PVT1: variants seen among roughly 807,000 people sequenced by gnomAD.
PVT1 encodes CXCR4/PVT1 fusion.
intron 3 of PVT1, among the ~76,000 whole-genome samples, chr8:127,916,662 GTCC>G (rs1815989248): frequency 6.6e-6 from 1 of 152,162 alleles, no homozygotes; most frequent in Admixed American, 6.5e-5. Context: ...GCTCAGCTTT[GTCC>G]TCCTCTCATC....
intron 5 of PVT1, among the ~76,000 whole-genome samples, chr8:128,075,831 C>T (rs2130142713): frequency 6.6e-6 from 1 of 152,300 alleles, no homozygotes; most frequent in African/African-American, 2.4e-5. Flanking sequence ...GGACCAAATA[C>T]ACAAATTATT....
intron 5 of PVT1, among the ~76,000 whole-genome samples, chr8:128,094,910 G>A (rs564655181): frequency 2.0e-5 from 3 of 152,318 alleles, no homozygotes; most frequent in Admixed American, 2.0e-4. Context: ...TGGACAGGCA[G>A]AGTTTAAATC....
chr8:127,851,336 A>G (rs1434181093), intron 2 of PVT1, among the ~76,000 whole-genome samples: 2 of 152,158 alleles, frequency 1.3e-5, no homozygotes, highest in Non-Finnish European at 1.5e-5. Context: ...TGGTAAGAAC[A>G]AGGGCCATGG....
chr8:128,058,159 A>G (rs1813783738), intron 4 of PVT1, among the ~76,000 whole-genome samples: 1 of 152,216 alleles, frequency 6.6e-6, no homozygotes, highest in East Asian at 1.9e-4. Context: ...TCTTCAGTGC[A>G]TAACCCAGTT....
intron 3 of PVT1, among the ~76,000 whole-genome samples, chr8:127,982,684 TAAATG>T (rs1563656689): frequency 2.0e-4 from 28 of 137,444 alleles, no homozygotes; most frequent in African/African-American, 7.7e-4. Flanking sequence ...ATTAATAAAA[TAAATG>T]AATCAATTAA....
chr8:127,893,715 G>A (rs1166471758), intron 3 of PVT1, among the ~76,000 whole-genome samples: 1 of 152,166 alleles, frequency 6.6e-6, no homozygotes, highest in Non-Finnish European at 1.5e-5. Flanking sequence ...GTGACCTTGG[G>A]CAAACTACCT....
chr8:127,807,756 T>C (rs1814543494), intron 2 of PVT1, among the ~76,000 whole-genome samples: 1 of 152,190 alleles, frequency 6.6e-6, no homozygotes, highest in Non-Finnish European at 1.5e-5. Flanking sequence ...CTAGGTTCTT[T>C]GAATTTTTCT....
chr8:128,088,778 C>T (rs1814310714), intron 5 of PVT1, among the ~76,000 whole-genome samples: 2 of 152,190 alleles, frequency 1.3e-5, no homozygotes, highest in Non-Finnish European at 2.9e-5. Flanking sequence ...TCAAGAAAAA[C>T]TCGTTCTTTC....
At chr8:127,797,472 T>G (rs1487032605) in intron 2 of PVT1, among the ~76,000 whole-genome samples, 2 of 152,130 alleles carry the variant, frequency 1.3e-5, no homozygotes, top group African/African-American at 4.8e-5. Flanking sequence ...CTGGAATCAT[T>G]TGGACCATTG....
intron 2 of PVT1, chr8:127,855,466 C>A: frequency 2.7e-6 from 1 of 363,838 alleles, no homozygotes. Context: ...TCCAGCTTCA[C>A]CCTCCTTTAG....
chr8:127,951,873 T>C (rs973002336), intron 3 of PVT1, among the ~76,000 whole-genome samples: 15 of 151,142 alleles, frequency 9.9e-5, no homozygotes, highest in Admixed American at 7.9e-4. Context: ...TGGAGTGCAG[T>C]GGCATGATCT....
At chr8:127,850,451 T>C (rs183537791) in intron 2 of PVT1, among the ~76,000 whole-genome samples, 2 of 152,326 alleles carry the variant, frequency 1.3e-5, no homozygotes, top group Admixed American at 1.3e-4. Context: ...CTGGTTCAGG[T>C]ATCCTAAAGA....
At position 127,953,115 on chromosome 8, in the gene PVT1, C is replaced by T. The variant is rs186554095; in HGVS notation, n.783-36047C>T. Reference sequence around the variant, plus strand: ...CTCCAGTAGGCAGAAGCTTCTCTGTCCTTCCTCAATGGGAGAACAAGGACC... The same window carrying T: ...CTCCAGTAGGCAGAAGCTTCTCTGTTCTTCCTCAATGGGAGAACAAGGACC... On this transcript the variant is annotated intron_variant and non_coding_transcript_variant, in intron 3 of 10. Transcript: ENST00000651587. 3.1e-3 allele frequency among the ~76,000 whole-genome samples: 470 copies of T among 152,342 alleles called. 5 individuals are homozygous for T. Among genetic ancestry groups the T allele is most frequent in the Middle Eastern group, 0.027 (8 of 294 alleles).
chr8:128,095,861 T>C (rs1814421685), intron 5 of PVT1, among the ~76,000 whole-genome samples: 2 of 152,244 alleles, frequency 1.3e-5, no homozygotes, highest in South Asian at 4.2e-4. Flanking sequence ...ATGGAGACTT[T>C]TCTTTTCCAC....
chr8:127,859,721 T>C (rs750699101), intron 2 of PVT1, among the ~76,000 whole-genome samples: 5 of 152,042 alleles, frequency 3.3e-5, no homozygotes, highest in Non-Finnish European at 5.9e-5. Flanking sequence ...ATTTGGGCTT[T>C]AGAGTCACCT....
rs118126616 is a variant in PVT1, at chr8:127,985,526, G to T, written n.783-3636G>T. 2.6e-3 allele frequency among the ~76,000 whole-genome samples: 397 copies of T among 152,006 alleles called. 10 individuals are homozygous for T. The East Asian group carries it at 0.063, about 24-fold the overall frequency. On this transcript the variant is annotated intron_variant and non_coding_transcript_variant, in intron 3 of 10. Transcript: ENST00000651587. ...GTTGACACAGCAACTAACTGGTGGG[G>T]ATCAGCTCAGAGCTGGGCAGACTAT...
At chr8:128,063,687 A>T (rs1303704620) in intron 4 of PVT1, among the ~76,000 whole-genome samples, 1 of 152,060 alleles carries the variant, frequency 6.6e-6, no homozygotes, top group East Asian at 1.9e-4. Context: ...AGTAGAAAGG[A>T]GCCTGGTGGT....
intron 4 of PVT1, among the ~76,000 whole-genome samples, chr8:128,060,322 C>G (rs1437127693): frequency 6.6e-6 from 1 of 152,134 alleles, no homozygotes; most frequent in Non-Finnish European, 1.5e-5. Flanking sequence ...TGATGAGCTC[C>G]TTCCACCACT....
At chr8:128,003,717 A>G (rs767516317) in intron 4 of PVT1, among the ~76,000 whole-genome samples, 4 of 152,252 alleles carry the variant, frequency 2.6e-5, no homozygotes, top group Non-Finnish European at 5.9e-5. Flanking sequence ...ATATGTGTAA[A>G]TTATAAGTGA....
Sources: allele counts gnomAD v4.1 joint callset (sites outside exome capture counted in the v4.1 genomes callset), GRCh38; gene constraint gnomAD v4.1.1; transcripts MANE v1.5; gene names NCBI Gene and HGNC (gene_info 2026-07-23, HGNC 2026-07-21).